Variants in PTPRK observed in about 807,000 individuals in gnomAD.
PTPRK encodes the protein receptor-type tyrosine-protein phosphatase kappa.
In PTPRK, 75 loss-of-function variants were observed where a neutral mutation model predicts 178.0. The observed-to-expected ratio is 0.42, with a 90% CI of 0.35 to 0.51. The LOEUF (loss-of-function observed/expected upper bound fraction) is 0.51. PTPRK is among the 20% of genes least tolerant of loss of function. The probability of loss-of-function intolerance (pLI) is 0.02; values close to 1 mark genes in which losing one functional copy is unlikely to be tolerated. For missense variants in PTPRK, 1,441 were observed against 1,797.8 expected (o/e 0.80, Z 3.59); for synonymous variants, 637 against 620.6 (o/e 1.03, Z -0.39).
At chr6:128,064,491 CA>C (rs1306818051) in intron 13 of PTPRK, among the ~76,000 whole-genome samples, 5 of 152,168 alleles carry the variant, frequency 3.3e-5, no homozygotes, top group Non-Finnish European at 7.3e-5. Flanking sequence ...GGTTGATCAG[CA>C]GCACAAGATT....
At chr6:127,972,901 T>C (rs1774094947) in intron 29 of PTPRK, 121 bp downstream of exon 29, 3 of 981,888 alleles carry the variant, frequency 3.1e-6, no homozygotes, top group East Asian at 5.1e-5. Context: ...GGCAGGAAAG[T>C]CCCCACAACG....
At chr6:128,301,967 T>C (rs925603475) in intron 3 of PTPRK, among the ~76,000 whole-genome samples, 3 of 152,182 alleles carry the variant, frequency 2.0e-5, no homozygotes, top group African/African-American at 7.2e-5. Context: ...CATTCAAAAA[T>C]TGGCCTTCTG....
At chr6:128,118,257 C>T (rs1791884674) in intron 7 of PTPRK, among the ~76,000 whole-genome samples, 1 of 152,170 alleles carries the variant, frequency 6.6e-6, no homozygotes, top group South Asian at 2.1e-4. Context: ...AGCTAGGTCA[C>T]CGTGGACTTA....
intron 7 of PTPRK, among the ~76,000 whole-genome samples, chr6:128,124,977 C>T (rs1401473929): frequency 1.3e-5 from 2 of 152,230 alleles, no homozygotes; most frequent in African/African-American, 2.4e-5. Flanking sequence ...CTACCATTGA[C>T]TCTCCTGTTC....
intron 6 of PTPRK, among the ~76,000 whole-genome samples, chr6:128,195,890 A>T (rs957232546): frequency 1.3e-5 from 2 of 152,190 alleles, no homozygotes; most frequent in African/African-American, 4.8e-5. Context: ...ACATCAAATG[A>T]TATTAATTAG....
intron 2 of PTPRK, among the ~76,000 whole-genome samples, chr6:128,373,593 C>T (rs1836604240): frequency 6.6e-6 from 1 of 152,134 alleles, no homozygotes; most frequent in African/African-American, 2.4e-5. Context: ...AACATTGCCT[C>T]GATGTTGCTT....
At chr6:128,063,016 G>A (rs534747688) in intron 13 of PTPRK, among the ~76,000 whole-genome samples, 2 of 152,226 alleles carry the variant, frequency 1.3e-5, no homozygotes, top group South Asian at 2.1e-4. Flanking sequence ...ATAAGAAGGT[G>A]TAGGTACTCT....
At chr6:128,201,192 C>T (rs1357127202) in intron 6 of PTPRK, among the ~76,000 whole-genome samples, 1 of 152,096 alleles carries the variant, frequency 6.6e-6, no homozygotes, top group Non-Finnish European at 1.5e-5. Context: ...TTATTAAAGA[C>T]ATTGAAAACA....
chr6:128,055,279 C>T (rs895459921), intron 13 of PTPRK, among the ~76,000 whole-genome samples: 3 of 152,040 alleles, frequency 2.0e-5, no homozygotes, highest in African/African-American at 4.8e-5. Flanking sequence ...GAAAAACATA[C>T]TAAAATAATA....
At chr6:128,489,999 G>A (rs867833833) in intron 1 of PTPRK, among the ~76,000 whole-genome samples, 2 of 152,230 alleles carry the variant, frequency 1.3e-5, no homozygotes, top group Middle Eastern at 3.4e-3. Context: ...TACATTTTAA[G>A]AACTATTTTA....
At chr6:128,155,238 C>T (rs1028065407) in intron 7 of PTPRK, among the ~76,000 whole-genome samples, 1 of 151,526 alleles carries the variant, frequency 6.6e-6, no homozygotes, top group African/African-American at 2.4e-5. Context: ...AAAAATATTT[C>T]GTAGGTGTCG....
At chr6:127,991,209 A>G in intron 20 of PTPRK, 85 bp downstream of exon 20, 1 of 1,032,752 alleles carries the variant, frequency 9.7e-7, no homozygotes, top group Non-Finnish European at 1.4e-6. Context: ...AAACAATTGG[A>G]TGATATTCTA....
intron 1 of PTPRK, among the ~76,000 whole-genome samples, chr6:128,406,178 G>A (rs1010358321): frequency 2.6e-5 from 4 of 151,940 alleles, no homozygotes; most frequent in Non-Finnish European, 5.9e-5. Context: ...ACTTGAGCCT[G>A]GGAGGTCAAG....
At position 127,981,296 on chromosome 6, in the gene PTPRK, A is replaced by G; in HGVS notation, c.3538-7T>C. 6.2e-7 allele frequency: 1 copy of G among 1,611,368 alleles called. No individual in the cohort carries two copies. Among genetic ancestry groups the G allele is most frequent in the Non-Finnish European group, 8.5e-7 (1 of 1,178,176 alleles). ...GGGTGACTGAATTCAGAGTCTAAAA[A>G]GAAAAGAGAACCCAGGTTAAAAGAC... On this transcript the variant is annotated splice_region_variant and splice_polypyrimidine_tract_variant and intron_variant, in intron 24 of 29. Transcript: ENST00000368226.
intron 1 of PTPRK, among the ~76,000 whole-genome samples, chr6:128,447,191 T>C (rs1847145151): frequency 2.0e-5 from 3 of 152,250 alleles, no homozygotes; most frequent in Non-Finnish European, 4.4e-5. Context: ...GTTATCTTGG[T>C]TGGTAGTGAA....
chr6:128,434,868 A>G (rs1006586275), intron 1 of PTPRK, among the ~76,000 whole-genome samples: 10 of 149,492 alleles, frequency 6.7e-5, no homozygotes, highest in South Asian at 2.1e-4. Context: ...AAAAAATAAG[A>G]AAAAAAAAAG....
intron 13 of PTPRK, among the ~76,000 whole-genome samples, chr6:128,045,942 A>C (rs575055436): frequency 4.9e-4 from 75 of 152,264 alleles, no homozygotes; most frequent in African/African-American, 1.7e-3. Flanking sequence ...TCAAAGGCAA[A>C]GAGAGACTTT....
At chr6:128,225,173 T>G (rs1811070195) in intron 5 of PTPRK, among the ~76,000 whole-genome samples, 1 of 152,194 alleles carries the variant, frequency 6.6e-6, no homozygotes, top group African/African-American at 2.4e-5. Context: ...GGCTATTGAC[T>G]TGAAAATAAT....
intron 3 of PTPRK, among the ~76,000 whole-genome samples, chr6:128,245,169 C>T (rs908497093): frequency 1.3e-5 from 2 of 152,028 alleles, no homozygotes; most frequent in East Asian, 3.9e-4. Context: ...GTAATTGAAC[C>T]AAGGCACAAA....
Sources: allele counts gnomAD v4.1 joint callset (sites outside exome capture counted in the v4.1 genomes callset), GRCh38; gene constraint gnomAD v4.1.1; transcripts MANE v1.5; gene names NCBI Gene and HGNC (gene_info 2026-07-23, HGNC 2026-07-21).